ZNF469: variants seen among roughly 807,000 people sequenced by gnomAD.
ZNF469 encodes the protein zinc finger protein 469.
A neutral mutation model predicts 1.0 loss-of-function variants in ZNF469; 1 was observed. The observed-to-expected ratio is 1.00, with a 90% CI of 0.35 to 4.73. The LOEUF is 4.73. Among genes scored for constraint, ZNF469 ranks in the 30% most tolerant of loss-of-function variants. The pLI, the probability that ZNF469 is intolerant of heterozygous loss-of-function variation, is 0.16. For synonymous variants in ZNF469, 2,703 were observed against 2,363.4 expected (o/e 1.14, Z -4.17); for missense variants, 6,100 against 5,356.3 (o/e 1.14, Z -4.33).
the ZNF469 span, among the ~76,000 whole-genome samples, chr16:88,112,022 G>A: frequency 5.9e-5 from 9 of 151,898 alleles, no homozygotes; most frequent in African/African-American, 1.7e-4. Context: ...ACAGGATCTC[G>A]TTCTTTTTTG....
At chr16:88,168,485 G>A in the ZNF469 span, among the ~76,000 whole-genome samples, 1,061 of 152,334 alleles carry the variant, frequency 7.0e-3, 16 homozygotes, top group African/African-American at 0.024. This position sits in a 1 kb window ranked among gnomAD's most constrained non-coding sequence, Gnocchi z 4.3. Context: ...ATGTGTGATT[G>A]TGACCTTGTG....
the ZNF469 span, among the ~76,000 whole-genome samples, chr16:88,274,046 G>A: frequency 6.6e-6 from 1 of 152,032 alleles, no homozygotes; most frequent in African/African-American, 2.4e-5. Context: ...CTCGTGATCC[G>A]CCTGCCTCGG....
chr16:88,215,303 A>G, the ZNF469 span, among the ~76,000 whole-genome samples: 10 of 151,648 alleles, frequency 6.6e-5, no homozygotes, highest in African/African-American at 2.4e-4. Flanking sequence ...GTAATTACTG[A>G]AATACTTGCA....
chr16:88,211,008 CG>C, the ZNF469 span, among the ~76,000 whole-genome samples: 2 of 152,388 alleles, frequency 1.3e-5, no homozygotes, highest in East Asian at 3.9e-4. Flanking sequence ...CCGATGCCTT[CG>C]GCCGTTGAGT....
At chr16:88,216,802 T>G in the ZNF469 span, among the ~76,000 whole-genome samples, 10 of 152,192 alleles carry the variant, frequency 6.6e-5, no homozygotes, top group African/African-American at 2.4e-4. Flanking sequence ...CATTTGTCTC[T>G]AACATATTTT....
chr16:88,439,217 C>G lies in ZNF469; in HGVS notation c.11747C>G (p.Pro3916Arg). ...KRGTAVHGAE[P>R]AEPHTHRTAE... ...GGCACAGCTGTCCACGGTGCTGAAC[C>G]TGCCGAGCCACACACCCACCGGACG... Residue 3916 changes from proline to arginine, a missense_variant, in exon 3 of 3, where the codon CCT becomes CGT. By Grantham distance (103) the Pro-to-Arg change is moderately radical. Transcript: ENST00000565624. 1.9e-6 allele frequency: 3 copies of G among 1,550,230 alleles called. No individual in the cohort carries two copies. Among genetic ancestry groups the G allele is most frequent in the African/African-American group, 1.4e-5 (1 of 73,188 alleles).
At chr16:88,325,300 G>T in the ZNF469 span, among the ~76,000 whole-genome samples, 1 of 128,334 alleles carries the variant, frequency 7.8e-6, no homozygotes, top group Admixed American at 7.5e-5. Flanking sequence ...GTGCACCCCG[G>T]GGGGCCGCAG....
intron 1 of ZNF469, among the ~76,000 whole-genome samples, chr16:88,412,910 G>T (rs1168979593): frequency 6.6e-6 from 1 of 152,190 alleles, no homozygotes. Flanking sequence ...TGTGCTCCGT[G>T]TCCTGGCAGC....
chr16:88,171,420 G>A, the ZNF469 span, among the ~76,000 whole-genome samples: 3 of 152,220 alleles, frequency 2.0e-5, no homozygotes, highest in Non-Finnish European at 4.4e-5. Context: ...TGCTCCTGAT[G>A]GTGCCAGCCC....
the ZNF469 span, among the ~76,000 whole-genome samples, chr16:88,258,620 T>G: frequency 6.6e-6 from 1 of 151,980 alleles, no homozygotes; most frequent in Non-Finnish European, 1.5e-5. Context: ...ATGGTAGCAT[T>G]TGGCACAGAC....
chr16:88,336,554 C>A, the ZNF469 span, among the ~76,000 whole-genome samples: 2 of 150,996 alleles, frequency 1.3e-5, no homozygotes, highest in Non-Finnish European at 2.9e-5. Context: ...TGTGCCAATA[C>A]CACACATGTT....
chr16:88,114,777 C>T, the ZNF469 span, among the ~76,000 whole-genome samples: 6 of 152,292 alleles, frequency 3.9e-5, no homozygotes, highest in East Asian at 1.2e-3. Flanking sequence ...CTCAGAGGGG[C>T]TGTTGGGGAA....
chr16:88,105,510 G>A, the ZNF469 span, among the ~76,000 whole-genome samples: 1 of 152,044 alleles, frequency 6.6e-6, no homozygotes, highest in African/African-American at 2.4e-5. Context: ...TCACTGTGTT[G>A]GCCAGGCTGG....
intron 1 of ZNF469, among the ~76,000 whole-genome samples, chr16:88,400,044 C>T (rs902104618): frequency 6.6e-5 from 10 of 152,316 alleles, no homozygotes; most frequent in East Asian, 5.8e-4. Context: ...GAGTGAGGGC[C>T]GGCTGAAGTG....
At chr16:88,114,112 C>T in the ZNF469 span, among the ~76,000 whole-genome samples, 1 of 152,066 alleles carries the variant, frequency 6.6e-6, no homozygotes, top group African/African-American at 2.4e-5. Flanking sequence ...TCTCTGTGCC[C>T]AAGTTTGCCC....
chr16:88,239,990 C>T, the ZNF469 span, among the ~76,000 whole-genome samples: 1 of 150,086 alleles, frequency 6.7e-6, no homozygotes, highest in Non-Finnish European at 1.5e-5. Flanking sequence ...CAGACCTGCC[C>T]AGGCCCCATT....
the ZNF469 span, among the ~76,000 whole-genome samples, chr16:88,349,753 A>ACATGACACTACACACAAATACGTGC: frequency 2.5e-5 from 3 of 119,008 alleles, no homozygotes; most frequent in East Asian, 2.8e-4. Context: ...AAGTGCACAC[A>ACATGACACTACACACAAATACGTGC]TGCCCAGCAC....
At chr16:88,290,066 G>T in the ZNF469 span, among the ~76,000 whole-genome samples, 1 of 152,218 alleles carries the variant, frequency 6.6e-6, no homozygotes, top group African/African-American at 2.4e-5. Context: ...TCAGAGCTCA[G>T]ACAGCAGCGA....
the ZNF469 span, among the ~76,000 whole-genome samples, chr16:88,185,104 CAGGT>C: frequency 3.5e-5 from 2 of 57,498 alleles, no homozygotes; most frequent in Non-Finnish European, 5.3e-5. Flanking sequence ...GGTACTCACA[CAGGT>C]AGTCACAAGC....
Sources: allele counts gnomAD v4.1 joint callset (sites outside exome capture counted in the v4.1 genomes callset), GRCh38; gene constraint gnomAD v4.1.1; non-coding constraint Gnocchi (gnomAD v3.1); transcripts MANE v1.5; gene names NCBI Gene and HGNC (gene_info 2026-07-23, HGNC 2026-07-21).